Variants in MTMR2 observed in about 807,000 individuals in gnomAD.
MTMR2 encodes the protein phosphatidylinositol-3,5-bisphosphate 3-phosphatase MTMR2.
Under a neutral mutation model 86.9 loss-of-function variants are expected in MTMR2, and 55 were observed. The ratio of observed to expected loss-of-function variants is 0.63; its 90% CI spans 0.51 to 0.79. The LOEUF (loss-of-function observed/expected upper bound fraction) is 0.79, where lower values mean the gene tolerates loss of function less well. Ranked by LOEUF, MTMR2 falls within the 30% of genes least tolerant of loss-of-function variation. The pLI, the probability that MTMR2 is intolerant of heterozygous loss-of-function variation, is 0.00. For missense variants in MTMR2, 659 were observed against 772.3 expected (o/e 0.85, Z 1.74); for synonymous variants, 241 against 266.8 (o/e 0.90, Z 0.94).
chr11:95,844,808 A>T, intron 11 of MTMR2, 145 bp downstream of exon 11: 1 of 760,528 alleles, frequency 1.3e-6, no homozygotes, highest in South Asian at 1.5e-5. Flanking sequence ...GGATATCTTA[A>T]TGCTTTCCAA....
At chr11:95,856,065 ATATAT>A (rs1864199576) in intron 7 of MTMR2, among the ~76,000 whole-genome samples, 1 of 152,210 alleles carries the variant, frequency 6.6e-6, no homozygotes, top group African/African-American at 2.4e-5. Context: ...CATCTCCAAA[ATATAT>A]TAATGAAGAA....
chr11:95,842,300 G>A (rs1191755716), intron 11 of MTMR2, among the ~76,000 whole-genome samples: 2 of 152,152 alleles, frequency 1.3e-5, no homozygotes. Flanking sequence ...CAGAACCTCA[G>A]AGGCCAGATT....
At chr11:95,871,108 T>G (rs1864864223) in intron 2 of MTMR2, among the ~76,000 whole-genome samples, 1 of 152,202 alleles carries the variant, frequency 6.6e-6, no homozygotes, top group South Asian at 2.1e-4. Context: ...GGTGTATATG[T>G]GCCACATTTT....
intron 2 of MTMR2, among the ~76,000 whole-genome samples, chr11:95,867,380 A>G (rs1337667160): frequency 6.6e-6 from 1 of 152,208 alleles, no homozygotes; most frequent in Admixed American, 6.5e-5. Flanking sequence ...TGTTATGTAC[A>G]GAAGAGAAGA....
At chr11:95,888,300 G>T in intron 1 of MTMR2, 39 bp from the exon 2 acceptor site, 1 of 1,424,860 alleles carries the variant, frequency 7.0e-7, no homozygotes. Flanking sequence ...GAAAAATGGG[G>T]GCTTCAAAGA....
chr11:95,843,276 T>A (rs184811511), intron 11 of MTMR2, among the ~76,000 whole-genome samples: 1 of 152,206 alleles, frequency 6.6e-6, no homozygotes, highest in South Asian at 2.1e-4. Flanking sequence ...AGTGTGATTT[T>A]ATGGTATTAT....
At chr11:95,918,860 G>A (rs543691464) in intron 1 of MTMR2, among the ~76,000 whole-genome samples, 6 of 151,880 alleles carry the variant, frequency 4.0e-5, no homozygotes, top group East Asian at 1.9e-4. Flanking sequence ...TTCTTGAGAC[G>A]GGGTCTCACT....
intron 2 of MTMR2, among the ~76,000 whole-genome samples, chr11:95,887,133 T>A (rs1865540318): frequency 6.6e-6 from 1 of 152,200 alleles, no homozygotes; most frequent in Admixed American, 6.5e-5. Flanking sequence ...CTTGTTGAAT[T>A]CTGTTTTGAC....
intron 7 of MTMR2, among the ~76,000 whole-genome samples, chr11:95,852,635 T>C (rs570769977): frequency 5.3e-4 from 81 of 152,350 alleles, no homozygotes; most frequent in South Asian, 2.1e-3. Flanking sequence ...TCTGGACAAC[T>C]TCAAGATGAA....
chr11:95,871,382 A>T (rs1864876110), intron 2 of MTMR2, among the ~76,000 whole-genome samples: 1 of 152,162 alleles, frequency 6.6e-6, no homozygotes, highest in Non-Finnish European at 1.5e-5. Flanking sequence ...CTATTTCTCC[A>T]CATCCTCTCC....
Position 95,841,673 on chromosome 11 carries a change from C to G in MTMR2, c.1423G>C (p.Asp475His). 1 of 1,613,882 alleles carries G rather than the reference C, an allele frequency of 6.2e-7. No individual in the cohort carries two copies. Among genetic ancestry groups the G allele is most frequent in the South Asian group, 1.1e-5 (1 of 91,086 alleles). The change falls in exon 12 of 15, where the codon GAC becomes CAC. Residue 475 changes from aspartate (D) to histidine (H), a missense_variant. Coordinates refer to ENST00000346299, the MANE Select transcript of MTMR2 (RefSeq NM_016156.6). ...GHGDKNHADA[D>H]RSPVFLQFID... ...AATTGAAGAAAAACAGGCGATCTGT[C>G]TGCATCTGCATGGTTCTTATCTCCA...
At chr11:95,842,398 C>G (rs1863584188) in intron 11 of MTMR2, among the ~76,000 whole-genome samples, 1 of 152,178 alleles carries the variant, frequency 6.6e-6, no homozygotes, top group Admixed American at 6.6e-5. Context: ...CATATCTTGA[C>G]CACTGAGTGA....
At position 95,834,827 on chromosome 11, in the gene MTMR2, G is replaced by A. The variant is rs1863183067; in HGVS notation, c.*463C>T. ...ACTGAAAAAAAGAAAAACCTAGAAT[G>A]GAGAAAGGGATATCAAATGATTTTG... On this transcript the variant is annotated 3_prime_UTR_variant, in exon 15 of 15. Coordinates refer to ENST00000346299, the MANE Select transcript of MTMR2 (RefSeq NM_016156.6). 1 of 171,246 alleles carries A rather than the reference G, an allele frequency of 5.8e-6. No individual in the cohort carries two copies. Among genetic ancestry groups the A allele is most frequent in the African/African-American group, 2.4e-5 (1 of 41,786 alleles). The allele number at this position is 171,246 out of a possible 1,614,324, so 10.6% of individuals were successfully genotyped here.
At chr11:95,892,779 A>C (rs530812270) in intron 1 of MTMR2, among the ~76,000 whole-genome samples, 1 of 151,920 alleles carries the variant, frequency 6.6e-6, no homozygotes, top group Non-Finnish European at 1.5e-5. Flanking sequence ...TCTCTTCCTA[A>C]TCTTTATCTG....
intron 1 of MTMR2, among the ~76,000 whole-genome samples, chr11:95,896,322 G>GTT (rs563585213): frequency 2.1e-5 from 3 of 144,648 alleles, no homozygotes; most frequent in Middle Eastern, 3.6e-3. Flanking sequence ...TGTTTTTTTG[G>GTT]TTTTTTTTTT....
In MTMR2 at chr11:95,915,847, C is replaced by T. The variant is rs149938662; in HGVS notation, c.80+8028G>A. ...TTCCTTGAGCTCTTCAAGTGAAATA[C>T]AATATAGCACGGCAATCCATTCTTC... is the stretch of plus-strand genomic sequence containing the variant. On this transcript the variant is annotated intron_variant, in intron 1 of 14. Transcript: ENST00000346299. Among the ~76,000 whole-genome samples the T allele has an allele frequency of 2.0e-3, 310 of 152,260 alleles. 2 individuals carry two copies. Among genetic ancestry groups the T allele is most frequent in the African/African-American group, 7.2e-3 (300 of 41,536 alleles).
Position 95,870,892 on chromosome 11 carries a change from C to G in MTMR2, c.187-5216G>C, listed in dbSNP as rs554197101. Among the ~76,000 whole-genome samples, 6 of 152,044 alleles carry G rather than the reference C, an allele frequency of 3.9e-5. No homozygotes were observed. The East Asian group carries it at 1.2e-3, about 29-fold the overall frequency. Reference sequence around the variant, plus strand: ...CTAATGCTATCCCTCCCCCCTTCCCCCACCCCACAACAGGCCCTGGTGTGT... The same window carrying G: ...CTAATGCTATCCCTCCCCCCTTCCCGCACCCCACAACAGGCCCTGGTGTGT... On this transcript the variant is annotated intron_variant, in intron 2 of 14. Coordinates refer to ENST00000346299, the MANE Select transcript of MTMR2 (RefSeq NM_016156.6).
intron 1 of MTMR2, among the ~76,000 whole-genome samples, chr11:95,920,626 G>A (rs1326783324): frequency 1.3e-5 from 2 of 151,772 alleles, no homozygotes; most frequent in African/African-American, 2.4e-5. Flanking sequence ...CATAACTGGA[G>A]ACAAGAGAAC....
intron 5 of MTMR2, among the ~76,000 whole-genome samples, chr11:95,859,196 GT>G (rs1864315689): frequency 6.6e-6 from 1 of 152,132 alleles, no homozygotes; most frequent in Admixed American, 6.5e-5. Flanking sequence ...CTGCCTGAAA[GT>G]GTTCCTTCCT....
Sources: allele counts gnomAD v4.1 joint callset (sites outside exome capture counted in the v4.1 genomes callset), GRCh38; gene constraint gnomAD v4.1.1; transcripts MANE v1.5; gene names NCBI Gene and HGNC (gene_info 2026-07-23, HGNC 2026-07-21).